Variants in AHI1 observed in about 807,000 individuals in gnomAD.
AHI1 encodes Abelson helper integration site 1.
Under a neutral mutation model 149.3 loss-of-function variants are expected in AHI1, and 123 were observed. That is an observed-to-expected ratio of 0.82 (90% confidence interval 0.71 to 0.96). The LOEUF (loss-of-function observed/expected upper bound fraction) is 0.96. Among genes scored for constraint, AHI1 ranks in the 40% least tolerant of loss-of-function variants. The pLI, the probability that AHI1 is intolerant of heterozygous loss-of-function variation, is 0.00. For synonymous variants in AHI1, 475 were observed against 459.8 expected (o/e 1.03, Z -0.42); for missense variants, 1,439 against 1,422.7 (o/e 1.01, Z -0.18).
At chr6:135,495,477 T>C (rs1385361432) in intron 3 of AHI1, 3 of 152,228 alleles carry the variant, frequency 2.0e-5, no homozygotes, top group African/African-American at 7.2e-5. Context: ...CCTTTGTCTC[T>C]CTAACAAACT....
At chr6:135,437,395 C>T (rs1263968870) in intron 15 of AHI1, among the ~76,000 whole-genome samples, 1 of 152,164 alleles carries the variant, frequency 6.6e-6, no homozygotes, top group African/African-American at 2.4e-5. Flanking sequence ...GCTAAAAGAA[C>T]AGATCAGATA....
At chr6:135,359,058 A>G (rs772854611) in intron 23 of AHI1, among the ~76,000 whole-genome samples, 7 of 152,230 alleles carry the variant, frequency 4.6e-5, no homozygotes, top group Non-Finnish European at 1.0e-4. Context: ...TAAAATTCCT[A>G]GTTTAAATGT....
chr6:135,412,185 A>AATACT (rs1781699646), intron 20 of AHI1, among the ~76,000 whole-genome samples: 1 of 152,192 alleles, frequency 6.6e-6, no homozygotes, highest in South Asian at 2.1e-4. Context: ...AAAAAATAAC[A>AATACT]ATACTATAAA....
intron 23 of AHI1, among the ~76,000 whole-genome samples, chr6:135,388,565 A>C (rs1248962751): frequency 6.6e-6 from 1 of 152,250 alleles, no homozygotes; most frequent in Non-Finnish European, 1.5e-5. Context: ...TTGTCTAAAA[A>C]GTTTTACATT....
At chr6:135,403,732 T>C (rs1562682841) in intron 22 of AHI1, among the ~76,000 whole-genome samples, 1 of 152,216 alleles carries the variant, frequency 6.6e-6, no homozygotes, top group Non-Finnish European at 1.5e-5. Flanking sequence ...ACACCAATCA[T>C]TGCTATCAGG....
intron 8 of AHI1, among the ~76,000 whole-genome samples, chr6:135,459,348 A>C (rs1306518518): frequency 2.6e-5 from 4 of 152,204 alleles, no homozygotes; most frequent in Non-Finnish European, 2.9e-5. Flanking sequence ...AAAATTTTGG[A>C]GATGCAGGTA....
At chr6:135,464,648 G>T (rs559457700) in intron 7 of AHI1, among the ~76,000 whole-genome samples, 2 of 152,318 alleles carry the variant, frequency 1.3e-5, no homozygotes, top group South Asian at 4.1e-4. Context: ...GAAGCAAGTG[G>T]CCATGTTGTG....
chr6:135,468,869 C>T (rs1345143624), intron 5 of AHI1, among the ~76,000 whole-genome samples: 1 of 151,964 alleles, frequency 6.6e-6, no homozygotes, highest in East Asian at 1.9e-4. Context: ...AGCCTAGAAA[C>T]AAACAAGCAA....
intron 22 of AHI1, among the ~76,000 whole-genome samples, chr6:135,404,006 G>GT (rs1482483990): frequency 4.0e-5 from 6 of 150,680 alleles, no homozygotes; most frequent in Admixed American, 4.0e-4. Context: ...CCAAATGGTA[G>GT]TAGGTGCCCA....
At chr6:135,396,862 TATAGATACACACA>T (rs1779291797) in intron 22 of AHI1, among the ~76,000 whole-genome samples, 1 of 151,676 alleles carries the variant, frequency 6.6e-6, no homozygotes, top group Non-Finnish European at 1.5e-5. Context: ...TAGATATATC[TATAGATACACACA>T]ATAGCCATTT....
intron 26 of AHI1, among the ~76,000 whole-genome samples, chr6:135,311,399 C>A: frequency 6.8e-6 from 1 of 146,574 alleles, no homozygotes; most frequent in African/African-American, 2.5e-5. Flanking sequence ...AAAAAATAGA[C>A]AAAGACGTGT....
At chr6:135,307,131 A>C (rs1469118718) in intron 26 of AHI1, 1 of 152,222 alleles carries the variant, frequency 6.6e-6, no homozygotes, top group Non-Finnish European at 1.5e-5. Flanking sequence ...TAAGTACAAA[A>C]AAATTCAAAT....
At chr6:135,296,841 C>T (rs1201552689) in intron 27 of AHI1, among the ~76,000 whole-genome samples, 1 of 152,258 alleles carries the variant, frequency 6.6e-6, no homozygotes, top group East Asian at 1.9e-4. Context: ...GCCTAGAACA[C>T]TGTGTGTGAC....
intron 23 of AHI1, 159 bp downstream of exon 23, chr6:135,394,617 C>A (rs2128484687): frequency 2.0e-6 from 2 of 1,009,050 alleles, no homozygotes; most frequent in South Asian, 3.1e-5. Flanking sequence ...TTTGAAATAA[C>A]CTTGGTGATT....
chr6:135,334,895 C>T (rs957809069), intron 24 of AHI1, among the ~76,000 whole-genome samples: 4 of 152,192 alleles, frequency 2.6e-5, no homozygotes, highest in African/African-American at 9.7e-5. Flanking sequence ...TATTCCAAAT[C>T]AAGTGCATCA....
At position 135,433,062 on chromosome 6, in the gene AHI1, T is replaced by C. The variant is rs373014753; in HGVS notation, c.2231A>G (p.Lys744Arg). ...AAAACAAAGTGAGTTGATAAAACTT[T>C]TGTGAACATCAAACTGTCGGACCAA... Reference protein sequence around the residue: ...AILVRQFDVHKSFINSLCFDT... With the variant: ...AILVRQFDVHRSFINSLCFDT... The change falls in exon 16 of 29, where the codon AAA (lysine) becomes AGA (arginine). Residue 744 changes from lysine to arginine, a missense_variant. Lys to Arg is a conservative substitution (Grantham distance 26). Transcript: ENST00000265602. 83 of 1,613,546 alleles carry C rather than the reference T, an allele frequency of 5.1e-5. No individual in the cohort carries two copies. Among genetic ancestry groups the C allele is most frequent in the Admixed American group, 3.7e-4 (22 of 60,022 alleles).
intron 20 of AHI1, among the ~76,000 whole-genome samples, chr6:135,413,952 C>A (rs916713024): frequency 2.6e-5 from 4 of 152,096 alleles, no homozygotes; most frequent in Admixed American, 6.5e-5. Context: ...TGCAGTCCCA[C>A]TCAAAATTCC....
At chr6:135,366,534 A>T (rs1774215875) in intron 23 of AHI1, among the ~76,000 whole-genome samples, 1 of 152,190 alleles carries the variant, frequency 6.6e-6, no homozygotes, top group African/African-American at 2.4e-5. Flanking sequence ...TATTTCCAGC[A>T]ATTTATCTAT....
intron 22 of AHI1, among the ~76,000 whole-genome samples, chr6:135,399,337 A>G (rs925771121): frequency 2.6e-5 from 4 of 152,148 alleles, no homozygotes; most frequent in African/African-American, 7.2e-5. Context: ...TAAAAGCTAA[A>G]CTCCTTGAAA....
Sources: gnomAD v4.1 joint callset for allele counts (sites outside exome capture counted in the v4.1 genomes callset) on GRCh38, gnomAD v4.1.1 for gene constraint, MANE v1.5 for transcripts, NCBI Gene and HGNC (gene_info 2026-07-23, HGNC 2026-07-21) for gene names.